The following ABCA13 variants were observed in gnomAD, a reference collection of about 807,000 sequenced individuals.
ABCA13 encodes ATP binding cassette subfamily A member 13.
ABCA13 carries 476 observed loss-of-function variants against 478.7 expected under a neutral mutation model. The observed-to-expected ratio is 0.99, with a 90% confidence interval of 0.92 to 1.07. The LOEUF is 1.07. ABCA13 is among the 50% of genes least tolerant of loss of function. The pLI is 0.00. For synonymous variants in ABCA13, 2,252 were observed against 2,158.9 expected (o/e 1.04, Z -1.20); for missense variants, 6,060 against 5,910.6 (o/e 1.03, Z -0.83).
intron 42 of ABCA13, among the ~76,000 whole-genome samples, chr7:48,437,294 C>T (rs1271985731): frequency 6.6e-6 from 1 of 151,986 alleles, no homozygotes; most frequent in Non-Finnish European, 1.5e-5. Context: ...TTTGCATTTA[C>T]TTTCTACTTA....
At chr7:48,420,476 A>G (rs572238428) in intron 41 of ABCA13, among the ~76,000 whole-genome samples, 164 of 152,344 alleles carry the variant, frequency 1.1e-3, no homozygotes, top group Admixed American at 2.8e-3. Context: ...TTCTGGCATA[A>G]TGCAAACAGA....
chr7:48,444,313 C>T (rs891356642), intron 42 of ABCA13, among the ~76,000 whole-genome samples: 24 of 152,172 alleles, frequency 1.6e-4, no homozygotes, highest in Middle Eastern at 3.2e-3. Flanking sequence ...TGGAGACAAG[C>T]TGTGACTTGC....
intron 5 of ABCA13, among the ~76,000 whole-genome samples, chr7:48,222,773 C>T (rs940566593): frequency 1.3e-5 from 2 of 152,024 alleles, no homozygotes; most frequent in African/African-American, 4.8e-5. Flanking sequence ...AGATGTTATA[C>T]CGTTTGATTT....
At chr7:48,615,906 A>T (rs997386277) in intron 59 of ABCA13, among the ~76,000 whole-genome samples, 1 of 152,054 alleles carries the variant, frequency 6.6e-6, no homozygotes, top group African/African-American at 2.4e-5. Context: ...TTGATCCTTT[A>T]TATTTCTTCC....
At position 48,279,107 on chromosome 7, in the gene ABCA13, T is replaced by C; in HGVS notation, c.7913T>C (p.Ile2638Thr). The C allele has an allele frequency of 6.4e-7, 1 of 1,568,314 alleles. No individual in the cohort carries two copies. The highest frequency in any genetic ancestry group is 8.7e-7 in the Non-Finnish European group (1 of 1,143,166). The change falls in exon 18 of 62, where the codon ATT becomes ACT. Residue 2638 changes from isoleucine (I) to threonine (T), a missense_variant. By Grantham distance (89) the Ile-to-Thr change is moderately conservative. Coordinates refer to ENST00000435803, the MANE Select transcript of ABCA13 (RefSeq NM_152701.5). The part of the protein sequence containing the change: ...SKDFSDILEE[I>T]AEFLTSVKMN... ...GACTTTTCTGATATTTTGGAAGAAA[T>C]TGCTGAATTTTTAACATCTGTGAAA...
intron 1 of ABCA13, among the ~76,000 whole-genome samples, chr7:48,173,978 T>TAAAG (rs1165583052): frequency 2.6e-5 from 4 of 152,126 alleles, no homozygotes; most frequent in African/African-American, 9.7e-5. Context: ...CACAGTTGGG[T>TAAAG]TAGAACAGAA....
At chr7:48,535,618 G>A (rs1833516483) in intron 55 of ABCA13, among the ~76,000 whole-genome samples, 1 of 152,128 alleles carries the variant, frequency 6.6e-6, no homozygotes, top group Non-Finnish European at 1.5e-5. Flanking sequence ...AGGTAGAGAA[G>A]GACCATCAGA....
chr7:48,206,300 T>C (rs1310202198), intron 3 of ABCA13, among the ~76,000 whole-genome samples: 1 of 152,228 alleles, frequency 6.6e-6, no homozygotes, highest in Non-Finnish European at 1.5e-5. Flanking sequence ...TATAAATGTG[T>C]AGACATGCAA....
chr7:48,531,975 T>C (rs980875229), intron 55 of ABCA13, among the ~76,000 whole-genome samples: 1 of 152,094 alleles, frequency 6.6e-6, no homozygotes, highest in African/African-American at 2.4e-5. Context: ...CTTTACCAAT[T>C]TGGATGCTCT....
Position 48,508,876 on chromosome 7 carries a change from G to C in ABCA13, c.13524+827G>C, listed in dbSNP as rs150775449. On this transcript the variant is annotated intron_variant, in intron 50 of 61. Coordinates refer to ENST00000435803, the MANE Select transcript of ABCA13 (RefSeq NM_152701.5). Reference sequence around the variant, plus strand: ...CTGTAAGGTTTATTTCTTTGAGCTGGCTTAGAATTTAGCTAATTTATTTTC... The same window carrying C: ...CTGTAAGGTTTATTTCTTTGAGCTGCCTTAGAATTTAGCTAATTTATTTTC... Among the ~76,000 whole-genome samples the C allele has an allele frequency of 1.4e-3, 212 of 152,256 alleles. 4 individuals are homozygous for C. In the East Asian group the frequency reaches 0.038, roughly 27 times the overall value.
intron 39 of ABCA13, 174 bp downstream of exon 39, chr7:48,404,053 A>T: frequency 1.3e-6 from 1 of 741,366 alleles, no homozygotes; most frequent in Non-Finnish European, 2.3e-6. Context: ...TAACATCTCT[A>T]TAGTGCTTAG....
chr7:48,470,236 C>T (rs992282193), intron 44 of ABCA13, among the ~76,000 whole-genome samples: 3 of 152,140 alleles, frequency 2.0e-5, no homozygotes, highest in Non-Finnish European at 4.4e-5. Flanking sequence ...TTGTTGGAGG[C>T]TGAGAAGTGC....
chr7:48,212,228 A>G (rs1251269421), intron 3 of ABCA13, among the ~76,000 whole-genome samples: 1 of 152,050 alleles, frequency 6.6e-6, no homozygotes. Context: ...ATAGGGCAGC[A>G]CTGAGTTTCA....
At chr7:48,621,772 T>A (rs1219536775) in intron 59 of ABCA13, among the ~76,000 whole-genome samples, 2 of 152,236 alleles carry the variant, frequency 1.3e-5, no homozygotes, top group African/African-American at 4.8e-5. Flanking sequence ...GAATCATGTC[T>A]ATGGTTTATC....
chr7:48,180,567 C>T (rs1049214866), intron 1 of ABCA13, among the ~76,000 whole-genome samples: 4 of 152,022 alleles, frequency 2.6e-5, no homozygotes, highest in Admixed American at 6.5e-5. Context: ...ATTACAGGTG[C>T]CACCCATCAT....
chr7:48,494,413 T>G (rs904411325), intron 48 of ABCA13, among the ~76,000 whole-genome samples: 1 of 151,966 alleles, frequency 6.6e-6, no homozygotes, highest in Non-Finnish European at 1.5e-5. Context: ...AACATGCCCT[T>G]GAGAGCTTTG....
At chr7:48,336,029 G>C (rs1231566947) in intron 28 of ABCA13, among the ~76,000 whole-genome samples, 1 of 152,118 alleles carries the variant, frequency 6.6e-6, no homozygotes, top group Non-Finnish European at 1.5e-5. Flanking sequence ...AACTCTGATA[G>C]GATGAGAAAA....
chr7:48,526,923 T>A (rs1832924975), intron 54 of ABCA13, among the ~76,000 whole-genome samples: 1 of 152,152 alleles, frequency 6.6e-6, no homozygotes, highest in Admixed American at 6.5e-5. Context: ...GATATAATAA[T>A]GTAATATTTT....
chr7:48,413,889 C>A (rs1418252920), intron 41 of ABCA13, among the ~76,000 whole-genome samples: 2 of 152,158 alleles, frequency 1.3e-5, no homozygotes, highest in Non-Finnish European at 1.5e-5. Flanking sequence ...CTCACATAGG[C>A]CAATTTCTTT....
Sources: gnomAD v4.1 joint callset for allele counts (sites outside exome capture counted in the v4.1 genomes callset) on GRCh38, gnomAD v4.1.1 for gene constraint, MANE v1.5 for transcripts, NCBI Gene and HGNC (gene_info 2026-07-23, HGNC 2026-07-21) for gene names.